The following CADPS2 variants were observed in gnomAD, a reference collection of about 807,000 sequenced individuals.
CADPS2 encodes calcium-dependent secretion activator 2.
In CADPS2, 93 loss-of-function variants were observed where a neutral mutation model predicts 172.5. The ratio of observed to expected loss-of-function variants is 0.54; its 90% CI spans 0.46 to 0.64. The LOEUF (loss-of-function observed/expected upper bound fraction) is 0.64, where lower values mean the gene tolerates loss of function less well. CADPS2 is among the 30% of genes least tolerant of loss of function. The pLI is 0.00. For synonymous variants in CADPS2, 546 were observed against 555.2 expected (o/e 0.98, Z 0.23); for missense variants, 1,420 against 1,565.9 (o/e 0.91, Z 1.57).
chr7:122,418,966 G>A lies in CADPS2; in HGVS notation c.2477-2802C>T, dbSNP rs3807873. Among the ~76,000 whole-genome samples, 208 of 152,300 alleles carry A rather than the reference G, an allele frequency of 1.4e-3. 3 individuals carry two copies. The East Asian group carries it at 0.03, about 22-fold the overall frequency. On this transcript the variant is annotated intron_variant, in intron 17 of 29. Transcript: ENST00000449022. ...CTGACAAACTGCTACTCTGCTTCAA[G>A]ATTCTACTTTAATGCTACCTTAAAA...
At chr7:122,623,834 C>T (rs907292703) in intron 4 of CADPS2, among the ~76,000 whole-genome samples, 4 of 152,158 alleles carry the variant, frequency 2.6e-5, no homozygotes, top group African/African-American at 4.8e-5. Flanking sequence ...GAGCATGTCA[C>T]GTATCTGAAA....
intron 1 of CADPS2, among the ~76,000 whole-genome samples, chr7:122,747,498 G>C (rs567898756): frequency 3.3e-5 from 5 of 152,064 alleles, no homozygotes; most frequent in Non-Finnish European, 5.9e-5. Context: ...TATGTCTAAT[G>C]TAACAACTAG....
chr7:122,425,193 C>T (rs571564903), intron 17 of CADPS2, among the ~76,000 whole-genome samples: 1 of 151,992 alleles, frequency 6.6e-6, no homozygotes, highest in Non-Finnish European at 1.5e-5. Context: ...GTTGCTCAGG[C>T]TCATCTCGAA....
In CADPS2 at chr7:122,583,673, G is replaced by A. The variant is rs141322240; in HGVS notation, c.1224-2383C>T. Among the ~76,000 whole-genome samples the A allele has an allele frequency of 5.6e-3, 847 of 150,624 alleles. 2 individuals are homozygous for A. Among genetic ancestry groups the A allele is most frequent in the Admixed American group, 0.01 (155 of 15,024 alleles). ...ATTATATATGAAGGAGATATTGTAC[G>A]TGTGTATATACGTATATACATATGT... On this transcript the variant is annotated intron_variant, in intron 6 of 29. Transcript: ENST00000449022.
At chr7:122,615,022 A>C (rs544218699) in intron 6 of CADPS2, among the ~76,000 whole-genome samples, 159 bp downstream of exon 6, 1 of 152,316 alleles carries the variant, frequency 6.6e-6, no homozygotes, top group South Asian at 2.1e-4. Flanking sequence ...CATTATCTAG[A>C]AAGGGACACA....
intron 20 of CADPS2, among the ~76,000 whole-genome samples, chr7:122,406,640 G>A (rs777691226): frequency 3.3e-5 from 5 of 152,180 alleles, no homozygotes; most frequent in Non-Finnish European, 5.9e-5. Context: ...AAACCCTATC[G>A]TGAGACAGAG....
chr7:122,789,698 T>A (rs2139641710), intron 1 of CADPS2, among the ~76,000 whole-genome samples: 1 of 152,262 alleles, frequency 6.6e-6, no homozygotes, highest in Middle Eastern at 3.4e-3. Context: ...TGTAGATAAA[T>A]CCCAGATGCC....
chr7:122,340,460 A>G (rs2036599131), intron 28 of CADPS2, among the ~76,000 whole-genome samples: 1 of 152,214 alleles, frequency 6.6e-6, no homozygotes, highest in Non-Finnish European at 1.5e-5. Context: ...TATCTTGAAA[A>G]ATAAGATGCG....
chr7:122,744,060 T>C (rs1484691402), intron 1 of CADPS2, among the ~76,000 whole-genome samples: 2 of 152,234 alleles, frequency 1.3e-5, no homozygotes, highest in Non-Finnish European at 2.9e-5. Context: ...TTGATAGGTA[T>C]AGACATGGTC....
At chr7:122,507,804 G>T (rs1336692705) in intron 9 of CADPS2, among the ~76,000 whole-genome samples, 1 of 152,114 alleles carries the variant, frequency 6.6e-6, no homozygotes, top group African/African-American at 2.4e-5. Flanking sequence ...TGGTGGTGGA[G>T]AAGATGGAGA....
intron 1 of CADPS2, among the ~76,000 whole-genome samples, chr7:122,780,442 G>A (rs1489267937): frequency 6.6e-6 from 1 of 152,036 alleles, no homozygotes; most frequent in Non-Finnish European, 1.5e-5. Context: ...TTTTAAAAAG[G>A]TGGGAAATTA....
intron 28 of CADPS2, among the ~76,000 whole-genome samples, chr7:122,335,992 T>A (rs372520381): frequency 1.5e-3 from 223 of 152,286 alleles, no homozygotes; most frequent in African/African-American, 5.2e-3. Flanking sequence ...TCCCCTCCAG[T>A]GAAATATTTT....
chr7:122,403,391 C>T (rs553642626), intron 20 of CADPS2, among the ~76,000 whole-genome samples: 69 of 152,238 alleles, frequency 4.5e-4, no homozygotes, highest in South Asian at 1.5e-3. Context: ...TTTCTAAAAT[C>T]TGCAAATCAC....
intron 1 of CADPS2, among the ~76,000 whole-genome samples, chr7:122,783,518 A>T (rs1793295973): frequency 6.6e-6 from 1 of 152,072 alleles, no homozygotes; most frequent in Non-Finnish European, 1.5e-5. Context: ...CAGACCCTTG[A>T]CCTGGTGATG....
At chr7:122,873,729 C>A (rs1017542106) in intron 1 of CADPS2, among the ~76,000 whole-genome samples, 1 of 152,092 alleles carries the variant, frequency 6.6e-6, no homozygotes, top group African/African-American at 2.4e-5. Context: ...GGTTCTAGAT[C>A]CCAGAGGAAT....
At chr7:122,582,305 T>C (rs1290459184) in intron 6 of CADPS2, among the ~76,000 whole-genome samples, 2 of 152,090 alleles carry the variant, frequency 1.3e-5, no homozygotes, top group African/African-American at 4.8e-5. Flanking sequence ...GTAAAGCAGG[T>C]ATAATAAAAA....
intron 6 of CADPS2, among the ~76,000 whole-genome samples, chr7:122,597,279 A>G (rs977677584): frequency 1.3e-5 from 2 of 152,114 alleles, no homozygotes; most frequent in African/African-American, 4.8e-5. Context: ...CCTGCCTCAC[A>G]TAATTACTCG....
At chr7:122,803,768 G>A (rs1011962989) in intron 1 of CADPS2, among the ~76,000 whole-genome samples, 1 of 152,126 alleles carries the variant, frequency 6.6e-6, no homozygotes, top group Non-Finnish European at 1.5e-5. Context: ...CATGATACAA[G>A]TCAAATGCAG....
At chr7:122,346,094 C>T (rs188687440) in intron 27 of CADPS2, among the ~76,000 whole-genome samples, 2 of 152,068 alleles carry the variant, frequency 1.3e-5, no homozygotes, top group African/African-American at 4.8e-5. Flanking sequence ...GCGCTGAGTG[C>T]CATGGCTCAT....
Sources: allele counts gnomAD v4.1 joint callset (sites outside exome capture counted in the v4.1 genomes callset), GRCh38; gene constraint gnomAD v4.1.1; transcripts MANE v1.5; gene names NCBI Gene and HGNC (gene_info 2026-07-23, HGNC 2026-07-21).